Variants in SRPK2 observed in about 807,000 individuals in gnomAD.
The protein encoded by SRPK2 is SRSF protein kinase 2.
In SRPK2, 21 loss-of-function variants were observed where a neutral mutation model predicts 90.8. That is an observed-to-expected ratio of 0.23 (90% CI 0.16 to 0.33). SRPK2 has a LOEUF of 0.33. Among genes scored for constraint, SRPK2 ranks in the 10% least tolerant of loss-of-function variants. The pLI, the probability that SRPK2 is intolerant of heterozygous loss-of-function variation, is 1.00. For missense variants in SRPK2, 620 were observed against 869.0 expected, an observed-to-expected ratio of 0.71 and a Z score of 3.60; for synonymous variants, 288 against 311.1, an observed-to-expected ratio of 0.93 and a Z score of 0.78.
intron 2 of SRPK2, among the ~76,000 whole-genome samples, chr7:105,234,014 T>G (rs1401335861): frequency 6.6e-6 from 1 of 152,100 alleles, no homozygotes; most frequent in Non-Finnish European, 1.5e-5. Context: ...AAAACTAATT[T>G]CATTTTAATA....
At chr7:105,301,710 G>A (rs1487155287) in intron 2 of SRPK2, 15 of 1,610,942 alleles carry the variant, frequency 9.3e-6, no homozygotes, top group Non-Finnish European at 1.3e-5. Flanking sequence ...TTCTATCTAT[G>A]AACGCTTTTT....
At chr7:105,380,658 G>C (rs2132645873) in intron 2 of SRPK2, among the ~76,000 whole-genome samples, 1 of 151,136 alleles carries the variant, frequency 6.6e-6, no homozygotes, top group East Asian at 1.9e-4. Context: ...TGCATAGCTG[G>C]GATTATAGGC....
chr7:105,256,778 G>A (rs6466051), intron 2 of SRPK2, among the ~76,000 whole-genome samples: 65,012 of 152,018 alleles, frequency 0.43, 15,420 homozygotes, highest in Non-Finnish European at 0.53. Context: ...CAGCAAGAGA[G>A]CCGATCAGCA....
Position 105,357,751 on chromosome 7 carries a change from C to CA in SRPK2, c.71+30896dup, listed in dbSNP as rs199545498. Among the ~76,000 whole-genome samples the CA allele has an allele frequency of 5.1e-3, 740 of 145,740 alleles. 12 individuals carry two copies. In the East Asian group the frequency reaches 0.06, roughly 12 times the overall value. ...AAGAGCAAGACTCCGTCTCAAAAAA[C>CA]AAAAAAAACAATAACAAAACAAAAC... On this transcript the variant is annotated intron_variant, in intron 2 of 15. Coordinates refer to ENST00000393651, the MANE Select transcript of SRPK2 (RefSeq NM_182692.3).
intron 2 of SRPK2, among the ~76,000 whole-genome samples, chr7:105,211,401 A>G (rs1055988964): frequency 6.6e-6 from 1 of 152,154 alleles, no homozygotes; most frequent in Non-Finnish European, 1.5e-5. Flanking sequence ...GTAATTTATA[A>G]AGAAAAGAGA....
At chr7:105,384,321 C>T (rs934084151) in intron 2 of SRPK2, among the ~76,000 whole-genome samples, 6 of 152,148 alleles carry the variant, frequency 3.9e-5, no homozygotes, top group African/African-American at 1.4e-4. Context: ...AAACTAAACT[C>T]ACAGGACAAT....
chr7:105,396,167 G>A (rs1284994643), intron 1 of SRPK2, among the ~76,000 whole-genome samples: 3 of 151,362 alleles, frequency 2.0e-5, no homozygotes, highest in East Asian at 2.0e-4. Context: ...TGCCTGCCTC[G>A]ACCTCTCAAA....
At chr7:105,346,711 TCGCACCA>T (rs1816500868) in intron 2 of SRPK2, among the ~76,000 whole-genome samples, 1 of 151,732 alleles carries the variant, frequency 6.6e-6, no homozygotes, top group Admixed American at 6.6e-5. Flanking sequence ...TGAGCCAAGA[TCGCACCA>T]CTGCACTCTA....
At chr7:105,347,652 G>C (rs1431352750) in intron 2 of SRPK2, among the ~76,000 whole-genome samples, 1 of 151,902 alleles carries the variant, frequency 6.6e-6, no homozygotes, top group Non-Finnish European at 1.5e-5. Flanking sequence ...CCAGGAGTTT[G>C]AGACTTGCCT....
chr7:105,389,576 C>G (rs541490050), upstream of SRPK2, among the ~76,000 whole-genome samples: 1 of 152,312 alleles, frequency 6.6e-6, no homozygotes, highest in Non-Finnish European at 1.5e-5. Flanking sequence ...TGAATTGAAA[C>G]TCGCTTCCGT....
At chr7:105,144,264 G>T in intron 9 of SRPK2, among the ~76,000 whole-genome samples, 2 of 108,252 alleles carry the variant, frequency 1.8e-5, no homozygotes, top group South Asian at 2.9e-4. Context: ...TTTTTGAGAT[G>T]GAGTCTCACT....
At chr7:105,306,594 T>C (rs1037901168) in intron 2 of SRPK2, 2 of 417,136 alleles carry the variant, frequency 4.8e-6, no homozygotes, top group African/African-American at 2.1e-5. Context: ...AAAACAGTCA[T>C]GAAGAAAAAA....
intron 2 of SRPK2, among the ~76,000 whole-genome samples, chr7:105,273,480 C>G (rs1176858067): frequency 6.7e-6 from 1 of 150,000 alleles, no homozygotes; most frequent in Non-Finnish European, 1.5e-5. Context: ...GGGTGGAGTG[C>G]AGTGGTGGAA....
rs57910582 is a variant in SRPK2, at chr7:105,358,927, C to CAG, written c.71+29719_71+29720dup. Among the ~76,000 whole-genome samples, 956 of 148,446 alleles carry CAG rather than the reference C, an allele frequency of 6.4e-3. 30 individuals are homozygous for CAG. In the East Asian group the frequency reaches 0.1, roughly 16 times the overall value. ...CTGGAAGAAAGGGGTGCTAAGAACA[C>CAG]AGAGAGAGAGAGAGAGAGAGAAAGC... On this transcript the variant is annotated intron_variant, in intron 2 of 15. Transcript: ENST00000393651.
At chr7:105,150,622 AAC>A (rs1259884990) in intron 7 of SRPK2, among the ~76,000 whole-genome samples, 2 of 152,240 alleles carry the variant, frequency 1.3e-5, no homozygotes, top group Non-Finnish European at 2.9e-5. Flanking sequence ...TTTTGAAGGA[AAC>A]ACAATCCAAT....
chr7:105,345,305 TA>T (rs537216405), intron 2 of SRPK2, among the ~76,000 whole-genome samples: 10 of 152,064 alleles, frequency 6.6e-5, no homozygotes, highest in Non-Finnish European at 8.8e-5. Flanking sequence ...CAAAGAACAG[TA>T]ACAACTGTTC....
At chr7:105,289,944 T>C (rs1808731078) in intron 2 of SRPK2, among the ~76,000 whole-genome samples, 2 of 151,986 alleles carry the variant, frequency 1.3e-5, no homozygotes, top group African/African-American at 2.4e-5. Flanking sequence ...TCAATACTGT[T>C]GTGTCGCAGG....
chr7:105,318,407 A>C (rs565386643), intron 2 of SRPK2, among the ~76,000 whole-genome samples: 1 of 152,332 alleles, frequency 6.6e-6, no homozygotes, highest in South Asian at 2.1e-4. Flanking sequence ...AAAATATGCT[A>C]TTTGTTAACA....
At chr7:105,189,811 C>T (rs1227227394) in intron 3 of SRPK2, 1 of 152,552 alleles carries the variant, frequency 6.6e-6, no homozygotes, top group Non-Finnish European at 1.5e-5. Flanking sequence ...ATGGCATGGG[C>T]TTTGGTCTTT....
Sources: allele counts gnomAD v4.1 joint callset (sites outside exome capture counted in the v4.1 genomes callset), GRCh38; gene constraint gnomAD v4.1.1; transcripts MANE v1.5; gene names NCBI Gene and HGNC (gene_info 2026-07-23, HGNC 2026-07-21).